The following FRMD4A variants were observed in gnomAD, a reference collection of about 807,000 sequenced individuals.
The protein encoded by FRMD4A is FERM domain containing 4A, also known as FERM domain-containing protein 4A.
In FRMD4A, 29 loss-of-function variants were observed where a neutral mutation model predicts 129.1. The observed-to-expected ratio is 0.22, with a 90% CI of 0.17 to 0.31. FRMD4A has a LOEUF of 0.31. Among genes scored for constraint, FRMD4A ranks in the 10% least tolerant of loss-of-function variants. FRMD4A has a pLI of 1.00. For missense variants in FRMD4A, 1,272 were observed against 1,375.8 expected (o/e 0.92, Z 1.19); for synonymous variants, 634 against 571.6 (o/e 1.11, Z -1.56).
At chr10:14,105,130 T>A (rs1304707191) in intron 2 of FRMD4A, among the ~76,000 whole-genome samples, 1 of 152,224 alleles carries the variant, frequency 6.6e-6, no homozygotes, top group East Asian at 1.9e-4. Context: ...GAGCCAAGCC[T>A]GGACCATAAG....
At chr10:13,842,829 TA>T (rs532262814) in intron 3 of FRMD4A, among the ~76,000 whole-genome samples, 3 of 152,072 alleles carry the variant, frequency 2.0e-5, no homozygotes, top group South Asian at 2.1e-4. Flanking sequence ...ACCCTGCCTC[TA>T]AAAAAAATAA....
intron 2 of FRMD4A, among the ~76,000 whole-genome samples, chr10:13,891,332 G>A (rs894938837): frequency 4.6e-5 from 7 of 152,188 alleles, no homozygotes; most frequent in Non-Finnish European, 1.0e-4. Context: ...TCTGCCTAAA[G>A]CCATGTCCTT....
chr10:14,310,679 G>C (rs868121653), intron 2 of FRMD4A, among the ~76,000 whole-genome samples: 18 of 152,104 alleles, frequency 1.2e-4, no homozygotes, highest in African/African-American at 3.6e-4. Context: ...CCAGAAATTC[G>C]AGCGCTATGC....
intron 16 of FRMD4A, among the ~76,000 whole-genome samples, chr10:13,670,909 C>T (rs533837054): frequency 1.7e-4 from 26 of 152,262 alleles, no homozygotes; most frequent in African/African-American, 5.8e-4. Context: ...GCAGTGTCAG[C>T]GTGAGTTCTC....
At chr10:13,824,628 C>T (rs188644908) in intron 3 of FRMD4A, among the ~76,000 whole-genome samples, 1 of 152,190 alleles carries the variant, frequency 6.6e-6, no homozygotes, top group East Asian at 1.9e-4. Flanking sequence ...TACGGTGGCT[C>T]ACACCTGTAA....
chr10:13,710,748 C>G (rs568795911), intron 12 of FRMD4A: 1 of 152,372 alleles, frequency 6.6e-6, no homozygotes, highest in African/African-American at 2.4e-5. Flanking sequence ...TATGGTGGCT[C>G]ATGCCTGGAA....
chr10:13,729,422 C>T (rs941644141), intron 12 of FRMD4A: 1 of 152,200 alleles, frequency 6.6e-6, no homozygotes, highest in Non-Finnish European at 1.5e-5. Context: ...ACGATAAATC[C>T]GCGGCGCACT....
intron 3 of FRMD4A, among the ~76,000 whole-genome samples, chr10:13,856,140 T>C (rs984186064): frequency 6.6e-6 from 1 of 151,922 alleles, no homozygotes; most frequent in Admixed American, 6.6e-5. Context: ...TGTGTATATC[T>C]CTCAGTGTGT....
intron 20 of FRMD4A, 80 bp downstream of exon 20, chr10:13,660,236 G>T (rs1589245353): frequency 2.2e-6 from 2 of 897,318 alleles, no homozygotes; most frequent in East Asian, 4.8e-5. Context: ...TGTCACCGTG[G>T]ATGCTACTTG....
chr10:13,884,194 ACTCACACACACACT>A (rs1564971529), intron 2 of FRMD4A, among the ~76,000 whole-genome samples: 5 of 79,830 alleles, frequency 6.3e-5, no homozygotes, highest in Non-Finnish European at 8.0e-5. Flanking sequence ...ACACACACAC[ACTCACACACACACT>A]CACACACACA....
rs555296573 is a variant in FRMD4A, at chr10:13,707,966, A to G, written c.760-853T>C. 167 of 837,684 alleles carry G rather than the reference A, an allele frequency of 2.0e-4. No homozygotes were observed. The African/African-American group carries it at 2.9e-3, about 15-fold the overall frequency. The allele number at this position is 837,684 out of a possible 1,614,324, so 51.9% of individuals were successfully genotyped here. A position where few individuals can be genotyped will look rare whatever the true frequency, so the allele number is the denominator to read the frequency against. ...TTGCTCCAGGAACGGGGTTCCTTTCATTGGATGAAAAAGAAAGTTACTTTA... is the reference window on the plus strand; with the variant it reads ...TTGCTCCAGGAACGGGGTTCCTTTCGTTGGATGAAAAAGAAAGTTACTTTA... On this transcript the variant is annotated intron_variant, in intron 12 of 24. Coordinates refer to ENST00000357447, the MANE Select transcript of FRMD4A (RefSeq NM_018027.5).
chr10:13,787,958 C>T (rs1330855931), intron 5 of FRMD4A, among the ~76,000 whole-genome samples: 1 of 152,106 alleles, frequency 6.6e-6, no homozygotes, highest in Non-Finnish European at 1.5e-5. Flanking sequence ...TCCTTAACTA[C>T]CAGCATGGAG....
At chr10:13,932,287 A>G (rs983621451) in intron 2 of FRMD4A, among the ~76,000 whole-genome samples, 2 of 152,190 alleles carry the variant, frequency 1.3e-5, no homozygotes, top group Admixed American at 6.5e-5. Flanking sequence ...CTTTAATGTT[A>G]GCTAACTAAC....
At chr10:13,908,894 G>T (rs2094910998) in intron 2 of FRMD4A, among the ~76,000 whole-genome samples, 1 of 152,140 alleles carries the variant, frequency 6.6e-6, no homozygotes, top group Non-Finnish European at 1.5e-5. Flanking sequence ...CCTAACAAAA[G>T]ATTCACTGAT....
chr10:14,018,719 G>T (rs150766644), intron 2 of FRMD4A, among the ~76,000 whole-genome samples: 4 of 152,132 alleles, frequency 2.6e-5, no homozygotes, highest in Admixed American at 2.6e-4. Flanking sequence ...ATGATTAAGT[G>T]CAGAACTAGG....
chr10:13,992,612 A>C (rs1001420852), intron 2 of FRMD4A, among the ~76,000 whole-genome samples: 2 of 152,256 alleles, frequency 1.3e-5, no homozygotes, highest in African/African-American at 4.8e-5. Context: ...CAGGGAGTTG[A>C]GAAAATACAG....
intron 2 of FRMD4A, among the ~76,000 whole-genome samples, chr10:14,111,924 G>A (rs1837925197): frequency 7.5e-6 from 1 of 133,642 alleles, no homozygotes; most frequent in Admixed American, 7.7e-5. Flanking sequence ...CATGATTATG[G>A]AAGGAAGGAA....
intron 9 of FRMD4A, among the ~76,000 whole-genome samples, chr10:13,741,958 G>A (rs953545383): frequency 6.6e-6 from 1 of 152,194 alleles, no homozygotes; most frequent in Non-Finnish European, 1.5e-5. Context: ...CCAGTTTAAA[G>A]CAATTCTTGT....
At chr10:13,705,010 G>A (rs1041552415) in intron 13 of FRMD4A, among the ~76,000 whole-genome samples, 17 of 152,190 alleles carry the variant, frequency 1.1e-4, no homozygotes, top group African/African-American at 3.9e-4. Context: ...GAAGGTGGAG[G>A]CTGCAGTGAG....
Sources: allele counts gnomAD v4.1 joint callset (sites outside exome capture counted in the v4.1 genomes callset), GRCh38; gene constraint gnomAD v4.1.1; transcripts MANE v1.5; gene names NCBI Gene and HGNC (gene_info 2026-07-23, HGNC 2026-07-21).